The following NLGN1 variants were observed in gnomAD, a reference collection of about 807,000 sequenced individuals.
The protein encoded by NLGN1 is neuroligin-1.
Under a neutral mutation model 65.5 loss-of-function variants are expected in NLGN1, and 12 were observed. The ratio of observed to expected loss-of-function variants is 0.18; its 90% CI spans 0.12 to 0.30. The LOEUF (loss-of-function observed/expected upper bound fraction) is 0.30, where lower values mean the gene tolerates loss of function less well. Ranked by LOEUF, NLGN1 falls within the 10% of genes least tolerant of loss-of-function variation. The pLI, the probability that NLGN1 is intolerant of heterozygous loss-of-function variation, is 1.00. For missense variants in NLGN1, 750 were observed against 1,007.1 expected (o/e 0.74, Z 3.46); for synonymous variants, 350 against 359.5 (o/e 0.97, Z 0.30).
chr3:174,142,283 A>C (rs1722430399), intron 4 of NLGN1, among the ~76,000 whole-genome samples: 1 of 152,190 alleles, frequency 6.6e-6, no homozygotes, highest in African/African-American at 2.4e-5. Context: ...ATAATAATTC[A>C]CTATATGAAT....
chr3:174,130,907 C>A (rs1489297305), intron 4 of NLGN1, among the ~76,000 whole-genome samples: 2 of 152,136 alleles, frequency 1.3e-5, no homozygotes, highest in Non-Finnish European at 2.9e-5. Flanking sequence ...GCACTGTCTG[C>A]CATTCAGTTC....
rs9815035 is a variant in NLGN1, at chr3:173,472,947, G to A, written c.-321+37869G>A. ...CTTGCATCATGAATAATTAAACAGT[G>A]TTGGCCTATAAATTCCATCAGAAGC... On this transcript the variant is annotated intron_variant, in intron 2 of 6. Coordinates refer to ENST00000457714, the Ensembl canonical transcript of NLGN1. Among the ~76,000 whole-genome samples, 381 of 152,174 alleles carry A rather than the reference G, an allele frequency of 2.5e-3. 2 individuals are homozygous for A. The highest frequency in any genetic ancestry group is 8.8e-3 in the African/African-American group (364 of 41,538).
At chr3:173,700,570 G>T (rs537130551) in intron 3 of NLGN1, among the ~76,000 whole-genome samples, 1 of 151,902 alleles carries the variant, frequency 6.6e-6, no homozygotes, top group Non-Finnish European at 1.5e-5. Flanking sequence ...TGGAGTCTGC[G>T]TAGAATCTAC....
chr3:173,712,863 G>A (rs111882837), intron 3 of NLGN1, among the ~76,000 whole-genome samples: 79 of 152,138 alleles, frequency 5.2e-4, no homozygotes, highest in African/African-American at 1.9e-3. Context: ...TAAAACTTCA[G>A]AACAGGTTGG....
intron 3 of NLGN1, among the ~76,000 whole-genome samples, chr3:173,708,850 T>A (rs1210479995): frequency 1.3e-5 from 2 of 152,224 alleles, no homozygotes; most frequent in Non-Finnish European, 2.9e-5. Flanking sequence ...GTTTAATACA[T>A]TGATTTTCAA....
intron 4 of NLGN1, among the ~76,000 whole-genome samples, chr3:173,966,777 C>T (rs1451299794): frequency 6.6e-6 from 1 of 152,134 alleles, no homozygotes; most frequent in East Asian, 1.9e-4. Context: ...CATTGTAGTT[C>T]ATTGCACTCT....
At chr3:174,063,879 A>T (rs967716231) in intron 4 of NLGN1, among the ~76,000 whole-genome samples, 1 of 152,130 alleles carries the variant, frequency 6.6e-6, no homozygotes, top group Non-Finnish European at 1.5e-5. Flanking sequence ...ATCCTAAAGG[A>T]TTAAATAAAT....
At chr3:173,570,458 A>G (rs1390166604) in intron 2 of NLGN1, among the ~76,000 whole-genome samples, 1 of 152,136 alleles carries the variant, frequency 6.6e-6, no homozygotes, top group Non-Finnish European at 1.5e-5. Context: ...ATAACATGGC[A>G]TTTCATTAGG....
intron 2 of NLGN1, among the ~76,000 whole-genome samples, chr3:173,566,265 G>A (rs919758855): frequency 1.3e-5 from 2 of 152,160 alleles, no homozygotes; most frequent in Non-Finnish European, 2.9e-5. Flanking sequence ...GGAGATTGAA[G>A]CTACAGACCT....
intron 3 of NLGN1, among the ~76,000 whole-genome samples, chr3:173,787,563 T>C (rs904638007): frequency 6.6e-6 from 1 of 152,220 alleles, no homozygotes; most frequent in Non-Finnish European, 1.5e-5. Context: ...GTAGCTTGAT[T>C]TGAGACATTT....
chr3:173,978,539 T>G (rs1718033179), intron 4 of NLGN1, among the ~76,000 whole-genome samples: 1 of 151,816 alleles, frequency 6.6e-6, no homozygotes, highest in Non-Finnish European at 1.5e-5. Flanking sequence ...ATTGAGAGAC[T>G]TCAGTATTTA....
At chr3:173,992,611 A>G (rs1301895956) in intron 4 of NLGN1, among the ~76,000 whole-genome samples, 1 of 152,158 alleles carries the variant, frequency 6.6e-6, no homozygotes, top group Non-Finnish European at 1.5e-5. Context: ...TTAAAGTATG[A>G]TGTTGATTTT....
At chr3:173,528,322 A>T (rs1018154182) in intron 2 of NLGN1, among the ~76,000 whole-genome samples, 5 of 152,134 alleles carry the variant, frequency 3.3e-5, no homozygotes, top group Non-Finnish European at 7.4e-5. Context: ...GTCTGATGAG[A>T]TTCCTTTTAT....
intron 4 of NLGN1, among the ~76,000 whole-genome samples, chr3:173,889,867 G>A (rs1003840523): frequency 1.3e-5 from 2 of 152,076 alleles, no homozygotes; most frequent in Non-Finnish European, 2.9e-5. Context: ...AATCTTGAAT[G>A]ACTCAAAGAA....
At chr3:174,114,269 G>A (rs551205441) in intron 4 of NLGN1, among the ~76,000 whole-genome samples, 15 of 151,622 alleles carry the variant, frequency 9.9e-5, no homozygotes, top group South Asian at 6.2e-4. Flanking sequence ...GTATTTAGGC[G>A]TGCAAATTGC....
chr3:173,666,571 T>G (rs1761724695), intron 3 of NLGN1, among the ~76,000 whole-genome samples: 1 of 152,184 alleles, frequency 6.6e-6, no homozygotes, highest in African/African-American at 2.4e-5. Flanking sequence ...GATGTCTCCT[T>G]ATAGAAATCT....
chr3:173,928,852 G>C (rs916561463), intron 4 of NLGN1, among the ~76,000 whole-genome samples: 6 of 151,814 alleles, frequency 4.0e-5, no homozygotes, highest in African/African-American at 1.5e-4. Context: ...TGTATTTTTA[G>C]TAGAGATGGG....
intron 4 of NLGN1, among the ~76,000 whole-genome samples, chr3:174,123,421 CTTTT>C (rs1718195699): frequency 6.6e-6 from 1 of 152,014 alleles, no homozygotes; most frequent in South Asian, 2.1e-4. Context: ...TTTTGTTTAC[CTTTT>C]GTTTTGTTTA....
At position 173,539,679 on chromosome 3, in the gene NLGN1, C is replaced by CATATATGTACATATGCACATAT. The variant is rs1446580324; in HGVS notation, c.-320-64597_-320-64596insTATGTACATATGCACATATATA. 2.5e-5 allele frequency among the ~76,000 whole-genome samples: 2 copies of CATATATGTACATATGCACATAT among 80,038 alleles called. 1 individual carries two copies. Among genetic ancestry groups the CATATATGTACATATGCACATAT allele is most frequent in the African/African-American group, 1.6e-4 (2 of 12,626 alleles). The allele number at this position is 80,038 out of a possible 152,430, so 52.5% of individuals were successfully genotyped here. A position where few individuals can be genotyped will look rare whatever the true frequency, so the allele number is the denominator to read the frequency against. On this transcript the variant is annotated intron_variant, in intron 2 of 6. Coordinates refer to ENST00000457714, the Ensembl canonical transcript of NLGN1. ...TATGTGTATATATGCACATATATAACATACATATATGTACATATGCACATA... is the reference window on the plus strand; with the variant it reads ...TATGTGTATATATGCACATATATAACATATATGTACATATGCACATATATACATATATGTACATATGCACATA...
Sources: allele counts gnomAD v4.1 joint callset (sites outside exome capture counted in the v4.1 genomes callset), GRCh38; gene constraint gnomAD v4.1.1; transcripts MANE v1.5; gene names NCBI Gene and HGNC (gene_info 2026-07-23, HGNC 2026-07-21).